SLC30A7: variants seen among roughly 807,000 people sequenced by gnomAD.
SLC30A7 encodes zinc transporter 7.
Under a neutral mutation model 46.0 loss-of-function variants are expected in SLC30A7, and 35 were observed. The ratio of observed to expected loss-of-function variants is 0.76; its 90% CI spans 0.58 to 1.01. The LOEUF (loss-of-function observed/expected upper bound fraction) is 1.01, where lower values mean the gene tolerates loss of function less well. Ranked by LOEUF, SLC30A7 falls within the 50% of genes least tolerant of loss-of-function variation. SLC30A7 has a pLI of 0.00. For missense variants in SLC30A7, 464 were observed against 451.1 expected (o/e 1.03, Z -0.26); for synonymous variants, 147 against 157.8 (o/e 0.93, Z 0.51).
At position 100,896,157 on chromosome 1, in the gene SLC30A7, A is replaced by C; in HGVS notation, c.-106A>C. 1.0e-6 allele frequency: 1 copy of C among 986,430 alleles called. No individual in the cohort carries two copies. The highest frequency in any genetic ancestry group is 1.9e-5 in the Admixed American group (1 of 52,338). The allele number at this position is 986,430 out of a possible 1,614,324, so 61.1% of individuals were successfully genotyped here. On this transcript the variant is annotated 5_prime_UTR_variant, in exon 1 of 11. Coordinates refer to ENST00000357650, the MANE Select transcript of SLC30A7 (RefSeq NM_133496.5). Reference sequence around the variant, plus strand: ...GTCTCGCAGCGGCGCGCGGCCCCGGACAAGCGCTGGGGATTCCCGTTTGAG... The same window carrying C: ...GTCTCGCAGCGGCGCGCGGCCCCGGCCAAGCGCTGGGGATTCCCGTTTGAG...
At chr1:100,930,849 C>G (rs759046827) in intron 8 of SLC30A7, among the ~76,000 whole-genome samples, 1 of 151,970 alleles carries the variant, frequency 6.6e-6, no homozygotes, top group Non-Finnish European at 1.5e-5. Context: ...ATGCATAAAA[C>G]CATCATAGTA....
chr1:100,935,555 A>G (rs1177976056), intron 8 of SLC30A7, among the ~76,000 whole-genome samples: 1 of 152,306 alleles, frequency 6.6e-6, no homozygotes, highest in East Asian at 1.9e-4. Context: ...AATAATCACT[A>G]TCAAATGTGA....
intron 2 of SLC30A7, among the ~76,000 whole-genome samples, chr1:100,901,144 T>C (rs182545474): frequency 4.2e-4 from 64 of 152,310 alleles, no homozygotes; most frequent in Admixed American, 2.9e-3. Context: ...TTATCACCCA[T>C]GAAAATTAAT....
chr1:100,929,352 T>G (rs1653528177), intron 8 of SLC30A7, among the ~76,000 whole-genome samples: 1 of 152,086 alleles, frequency 6.6e-6, no homozygotes, highest in Non-Finnish European at 1.5e-5. Context: ...TTTTTTTCAT[T>G]TAAAAAAGAA....
chr1:100,923,140 C>G (rs2101034610), intron 8 of SLC30A7, among the ~76,000 whole-genome samples: 1 of 135,710 alleles, frequency 7.4e-6, no homozygotes, highest in East Asian at 2.1e-4. Flanking sequence ...CCTCAGCCTC[C>G]CGAGTAGCTG....
chr1:100,995,207 T>C, the SLC30A7 span: 1 of 1,217,296 alleles, frequency 8.2e-7, no homozygotes, highest in Non-Finnish European at 1.2e-6. Flanking sequence ...CAAAACCCTA[T>C]GTGTAAACCT....
the SLC30A7 span, among the ~76,000 whole-genome samples, chr1:100,988,049 CTGT>C: frequency 6.6e-6 from 1 of 152,180 alleles, no homozygotes; most frequent in Non-Finnish European, 1.5e-5. Context: ...AGCCTTCCAA[CTGT>C]GGCTTTCCAC....
intron 6 of SLC30A7, among the ~76,000 whole-genome samples, chr1:100,917,364 C>T (rs544965049): frequency 4.6e-5 from 7 of 152,130 alleles, no homozygotes; most frequent in Non-Finnish European, 1.0e-4. Flanking sequence ...CAAAGCTGTA[C>T]TGATAAGGGT....
At chr1:100,915,240 T>C (rs545953005) in intron 6 of SLC30A7, among the ~76,000 whole-genome samples, 3 of 146,472 alleles carry the variant, frequency 2.0e-5, no homozygotes, top group African/African-American at 5.1e-5. Context: ...TTTCTTTCTT[T>C]CTTTCTTTCT....
At chr1:100,992,878 T>A in the SLC30A7 span, 2 of 534,704 alleles carry the variant, frequency 3.7e-6, no homozygotes, top group Non-Finnish European at 6.7e-6. Flanking sequence ...GTACTCACTT[T>A]AAGCATACAC....
At chr1:100,967,320 C>T (rs1655921827) in intron 10 of SLC30A7, among the ~76,000 whole-genome samples, 1 of 152,012 alleles carries the variant, frequency 6.6e-6, no homozygotes, top group African/African-American at 2.4e-5. Context: ...GAAACTGTTC[C>T]ACCTCAGATC....
At chr1:100,900,362 C>T (rs1651236367) in intron 2 of SLC30A7, among the ~76,000 whole-genome samples, 1 of 152,078 alleles carries the variant, frequency 6.6e-6, no homozygotes, top group African/African-American at 2.4e-5. Context: ...AAGACAATAC[C>T]AGACATTTAT....
At chr1:100,995,020 C>A in the SLC30A7 span, 1 of 901,236 alleles carries the variant, frequency 1.1e-6, no homozygotes, top group Non-Finnish European at 1.8e-6. Context: ...CATTTTCAAC[C>A]ATCTTTAGAA....
intron 3 of SLC30A7, among the ~76,000 whole-genome samples, chr1:100,909,956 G>A (rs774311616): frequency 4.1e-4 from 60 of 145,484 alleles, no homozygotes; most frequent in Non-Finnish European, 8.6e-4. Context: ...TGAATTTAAT[G>A]AACTTTTCTC....
chr1:100,974,613 CTTTT>C (rs914811011), intron 10 of SLC30A7, among the ~76,000 whole-genome samples, 193 bp from the exon 11 acceptor site: 1 of 143,990 alleles, frequency 6.9e-6, no homozygotes, highest in Non-Finnish European at 1.5e-5. Flanking sequence ...TAACATGGCT[CTTTT>C]TTTTTTGTTT....
Position 100,977,266 on chromosome 1 carries a change from A to C in SLC30A7, c.*2409A>C, listed in dbSNP as rs915159765. The C allele has an allele frequency of 4.3e-4, 66 of 152,320 alleles. No individual in the cohort carries two copies. Among genetic ancestry groups the C allele is most frequent in the African/African-American group, 1.5e-3 (62 of 41,576 alleles). The allele number at this position is 152,320 out of a possible 1,614,324, so 9.4% of individuals were successfully genotyped here. The stretch of plus-strand genomic sequence containing the variant: ...ATGAATCATTTTATTTGACTGTACT[A>C]TCAGTACACAAATGCATGAGTATGT... On this transcript the variant is annotated 3_prime_UTR_variant, in exon 11 of 11. Transcript: ENST00000357650.
intron 8 of SLC30A7, among the ~76,000 whole-genome samples, chr1:100,932,142 CG>C (rs1557991185): frequency 6.6e-6 from 1 of 152,128 alleles, no homozygotes; most frequent in Non-Finnish European, 1.5e-5. Context: ...TGGCTGGGCA[CG>C]GTTGCTCATG....
At chr1:100,896,459 C>A in intron 1 of SLC30A7, 111 bp from the exon 2 acceptor site, 1 of 1,429,406 alleles carries the variant, frequency 7.0e-7, no homozygotes, top group Non-Finnish European at 9.8e-7. Context: ...CAACCCCTAG[C>A]TGTGAAGAAA....
At chr1:100,913,532 CT>C in intron 5 of SLC30A7, 130 bp from the exon 6 acceptor site, 1 of 691,880 alleles carries the variant, frequency 1.4e-6, no homozygotes, top group Non-Finnish European at 2.4e-6. Context: ...ATGTGTAACA[CT>C]TTTTACAAGT....
Sources: allele counts gnomAD v4.1 joint callset (sites outside exome capture counted in the v4.1 genomes callset), GRCh38; gene constraint gnomAD v4.1.1; transcripts MANE v1.5; gene names NCBI Gene and HGNC (gene_info 2026-07-23, HGNC 2026-07-21).